The following RABEP1 variants were observed in gnomAD, a reference collection of about 807,000 sequenced individuals.
The protein encoded by RABEP1 is rabaptin, RAB GTPase binding effector protein 1.
A neutral mutation model predicts 123.4 loss-of-function variants in RABEP1; 51 were observed. The ratio of observed to expected loss-of-function variants is 0.41; its 90% confidence interval spans 0.33 to 0.52. RABEP1 has a LOEUF of 0.52. RABEP1 is among the 20% of genes least tolerant of loss of function. The probability of loss-of-function intolerance (pLI) is 0.16; values close to 1 mark genes in which losing one functional copy is unlikely to be tolerated. For missense variants in RABEP1, 888 were observed against 996.3 expected (o/e 0.89, Z 1.46); for synonymous variants, 347 against 355.2 (o/e 0.98, Z 0.26).
intron 3 of RABEP1, among the ~76,000 whole-genome samples, chr17:5,334,277 G>A (rs1317473202): frequency 6.6e-6 from 1 of 151,652 alleles, no homozygotes; most frequent in Admixed American, 6.6e-5. Context: ...TGTCACCCAG[G>A]CTGGAGTGCG....
chr17:5,332,854 C>T (rs550104546), intron 3 of RABEP1, among the ~76,000 whole-genome samples: 5 of 152,194 alleles, frequency 3.3e-5, no homozygotes, highest in Non-Finnish European at 5.9e-5. Context: ...AGGTGATCCA[C>T]CTGCCTCGGC....
chr17:5,300,522 A>C (rs2075126924), intron 1 of RABEP1, among the ~76,000 whole-genome samples: 1 of 152,146 alleles, frequency 6.6e-6, no homozygotes, highest in African/African-American at 2.4e-5. Context: ...TTGGGGTGCA[A>C]GCGGGGGGAC....
At chr17:5,290,397 ATTC>A (rs2075021858) in intron 1 of RABEP1, among the ~76,000 whole-genome samples, 2 of 152,098 alleles carry the variant, frequency 1.3e-5, no homozygotes, top group Non-Finnish European at 2.9e-5. Flanking sequence ...CTCCTTGATT[ATTC>A]TTAAGTATTT....
intron 2 of RABEP1, among the ~76,000 whole-genome samples, chr17:5,311,717 A>AAAAC (rs1342585082): frequency 6.6e-6 from 1 of 151,160 alleles, no homozygotes; most frequent in East Asian, 1.9e-4. Flanking sequence ...AAAAAAAAAA[A>AAAAC]AAACAGACTA....
chr17:5,357,100 A>ACT (rs1909088377), intron 8 of RABEP1, among the ~76,000 whole-genome samples: 1 of 149,036 alleles, frequency 6.7e-6, no homozygotes, highest in South Asian at 2.1e-4. Flanking sequence ...CTGGTCTTGA[A>ACT]CTCCTGATCT....
intron 5 of RABEP1, among the ~76,000 whole-genome samples, chr17:5,344,996 G>C (rs1353677243): frequency 6.6e-6 from 1 of 152,010 alleles, no homozygotes; most frequent in Non-Finnish European, 1.5e-5. Context: ...AACAGGTAAA[G>C]TGTATGAGCT....
chr17:5,372,151 A>G (rs1376535130), intron 12 of RABEP1, among the ~76,000 whole-genome samples: 1 of 152,050 alleles, frequency 6.6e-6, no homozygotes. Flanking sequence ...CATTTTAAGA[A>G]TAAGCTTCTC....
chr17:5,308,949 A>C, intron 2 of RABEP1, 127 bp downstream of exon 2: 1 of 1,003,802 alleles, frequency 1.0e-6, no homozygotes, highest in South Asian at 2.2e-5. Context: ...TAATAAAAGA[A>C]TACTGTTTAA....
chr17:5,333,618 T>C (rs1395231930), intron 3 of RABEP1, among the ~76,000 whole-genome samples: 1 of 152,172 alleles, frequency 6.6e-6, no homozygotes, highest in African/African-American at 2.4e-5. Context: ...TACTCTAGGC[T>C]TCATATAACA....
chr17:5,315,480 G>C (rs1748780405), intron 2 of RABEP1, among the ~76,000 whole-genome samples: 1 of 152,138 alleles, frequency 6.6e-6, no homozygotes, highest in African/African-American at 2.4e-5. Flanking sequence ...AATATTTGAA[G>C]AGATAATAAC....
chr17:5,358,052 A>G (rs537914168), intron 8 of RABEP1, among the ~76,000 whole-genome samples: 1 of 152,042 alleles, frequency 6.6e-6, no homozygotes, highest in East Asian at 1.9e-4. Context: ...GGTGGTTGGG[A>G]TATGGGTTTG....
At chr17:5,289,584 A>G (rs116230458) in intron 1 of RABEP1, among the ~76,000 whole-genome samples, 3,097 of 152,086 alleles carry the variant, frequency 0.02, 106 homozygotes, top group African/African-American at 0.069. Context: ...TTATTTTTAA[A>G]TTAGAGAAGT....
intron 5 of RABEP1, among the ~76,000 whole-genome samples, chr17:5,338,634 A>G (rs1021037127): frequency 1.3e-5 from 2 of 152,244 alleles, no homozygotes; most frequent in Non-Finnish European, 2.9e-5. Flanking sequence ...ATGGACATTT[A>G]AAATAATCAC....
chr17:5,375,635 G>A (rs1025645765), intron 13 of RABEP1, among the ~76,000 whole-genome samples: 15 of 152,030 alleles, frequency 9.9e-5, no homozygotes, highest in Admixed American at 8.5e-4. Flanking sequence ...GAGCCCAGGA[G>A]GTCAAAGCTG....
intron 11 of RABEP1, among the ~76,000 whole-genome samples, chr17:5,367,944 A>G (rs1459505269): frequency 6.6e-6 from 1 of 150,666 alleles, no homozygotes; most frequent in Non-Finnish European, 1.5e-5. Context: ...TTTAGTAGAG[A>G]TGGGGTTTTA....
At chr17:5,347,088 T>C (rs185120942) in intron 6 of RABEP1, among the ~76,000 whole-genome samples, 163 bp downstream of exon 6, 5 of 152,334 alleles carry the variant, frequency 3.3e-5, no homozygotes, top group South Asian at 4.1e-4. Flanking sequence ...GCTGAAATTA[T>C]GGTTTTTCCT....
At chr17:5,327,616 G>A (rs1906109380) in intron 2 of RABEP1, among the ~76,000 whole-genome samples, 1 of 152,158 alleles carries the variant, frequency 6.6e-6, no homozygotes, top group Non-Finnish European at 1.5e-5. Context: ...GATTTGCCAT[G>A]AGTGTATGGT....
At chr17:5,354,952 A>G (rs1908890630) in intron 8 of RABEP1, among the ~76,000 whole-genome samples, 1 of 152,138 alleles carries the variant, frequency 6.6e-6, no homozygotes, top group African/African-American at 2.4e-5. Flanking sequence ...ACAGGGTAAA[A>G]TGTTTCAGGT....
At chr17:5,327,973 G>T (rs1361767591) in intron 2 of RABEP1, among the ~76,000 whole-genome samples, 1 of 152,284 alleles carries the variant, frequency 6.6e-6, no homozygotes, top group African/African-American at 2.4e-5. Flanking sequence ...GCAGGTTTCA[G>T]TTTCACACCT....
Sources: allele counts gnomAD v4.1 joint callset (sites outside exome capture counted in the v4.1 genomes callset), GRCh38; gene constraint gnomAD v4.1.1; transcripts MANE v1.5; gene names NCBI Gene and HGNC (gene_info 2026-07-23, HGNC 2026-07-21).